VPS53: variants seen among roughly 807,000 people sequenced by gnomAD.
The protein encoded by VPS53 is VPS53 subunit of GARP complex.
VPS53 carries 70 observed loss-of-function variants against 107.0 expected under a neutral mutation model. The observed-to-expected ratio is 0.65, with a 90% CI of 0.54 to 0.80. VPS53 has a LOEUF of 0.80. Among genes scored for constraint, VPS53 ranks in the 30% least tolerant of loss-of-function variants. VPS53 has a pLI of 0.00. For missense variants in VPS53, 917 were observed against 1,049.4 expected (o/e 0.87, Z 1.74); for synonymous variants, 409 against 393.3 (o/e 1.04, Z -0.47).
intron 4 of VPS53, among the ~76,000 whole-genome samples, chr17:679,260 C>A (rs879778480): frequency 6.6e-6 from 1 of 151,806 alleles, no homozygotes; most frequent in Non-Finnish European, 1.5e-5. Context: ...TCACACCTGT[C>A]ATCCCAGCAC....
intron 12 of VPS53, among the ~76,000 whole-genome samples, chr17:600,489 G>A (rs78359588): frequency 0.048 from 7,324 of 152,264 alleles, 263 homozygotes; most frequent in Middle Eastern, 0.15. Context: ...GAAACTGTTT[G>A]TTTTCTTCCA....
At chr17:552,367 T>C (rs1911910666) in intron 16 of VPS53, among the ~76,000 whole-genome samples, 1 of 152,090 alleles carries the variant, frequency 6.6e-6, no homozygotes, top group Admixed American at 6.5e-5. Flanking sequence ...AATAAGTGGT[T>C]GATGTGAAAG....
chr17:553,508 A>G, intron 15 of VPS53, 46 bp from the exon 16 acceptor site: 1 of 1,374,424 alleles, frequency 7.3e-7, no homozygotes, highest in Non-Finnish European at 1.0e-6. Context: ...TGATTATCCA[A>G]AGAAGTACCA....
At chr17:629,762 CAAAAA>C (rs769585612) in intron 8 of VPS53, among the ~76,000 whole-genome samples, 2 of 143,156 alleles carry the variant, frequency 1.4e-5, no homozygotes, top group Non-Finnish European at 3.0e-5. Context: ...GACTCCATCT[CAAAAA>C]AAAGAAAAGA....
At chr17:694,984 C>T (rs1234341496) in intron 4 of VPS53, among the ~76,000 whole-genome samples, 7 of 152,204 alleles carry the variant, frequency 4.6e-5, no homozygotes, top group Admixed American at 4.6e-4. Flanking sequence ...AGATTACAGG[C>T]ATGAGCCATT....
intron 12 of VPS53, 80 bp downstream of exon 12, chr17:601,715 G>T: frequency 9.0e-7 from 1 of 1,113,122 alleles, no homozygotes; most frequent in Non-Finnish European, 1.3e-6. Flanking sequence ...AGAGCCAAAG[G>T]ATCGTATCTG....
Position 631,572 on chromosome 17 carries a change from G to A in VPS53, c.665C>T (p.Ala222Val), listed in dbSNP as rs138639431. ...TACCTTGGTGCCCTGGGAAGGAAAC[G>A]CTTCTTCAAAATCTGCCAGGATTTG... ...GQQILADFEE[A>V]FPSQGTKRPG... The change falls in exon 8 of 22, where the codon GCG becomes GTG. Residue 222 changes from alanine to valine, a missense_variant. By Grantham distance (64) the Ala-to-Val change is moderately conservative. Transcript: ENST00000437048. 1.5e-5 allele frequency: 25 copies of A among 1,614,044 alleles called. No homozygotes were observed. The highest frequency in any genetic ancestry group is 4.0e-5 in the African/African-American group (3 of 75,000).
At chr17:603,056 A>G (rs1968398708) in intron 11 of VPS53, among the ~76,000 whole-genome samples, 1 of 152,328 alleles carries the variant, frequency 6.6e-6, no homozygotes, top group East Asian at 1.9e-4. Context: ...GGGACAGCAG[A>G]TGGACTATAG....
chr17:561,213 A>T (rs1413022141), intron 14 of VPS53, among the ~76,000 whole-genome samples: 1 of 152,224 alleles, frequency 6.6e-6, no homozygotes, highest in Non-Finnish European at 1.5e-5. Context: ...GTGTCTCAAG[A>T]GGCCAACACC....
intron 11 of VPS53, among the ~76,000 whole-genome samples, chr17:605,282 G>A (rs915419149): frequency 1.5e-4 from 23 of 152,198 alleles, no homozygotes; most frequent in African/African-American, 5.6e-4. Flanking sequence ...GGGATGAGCT[G>A]GGGATGAGGG....
intron 7 of VPS53, among the ~76,000 whole-genome samples, chr17:637,397 G>T (rs573198904): frequency 2.0e-5 from 3 of 152,118 alleles, no homozygotes; most frequent in East Asian, 1.9e-4. Flanking sequence ...TTTTTGAAGG[G>T]TTTTTTGTGT....
intron 4 of VPS53, among the ~76,000 whole-genome samples, chr17:677,625 T>C (rs2143758936): frequency 6.6e-6 from 1 of 152,174 alleles, no homozygotes; most frequent in South Asian, 2.1e-4. Context: ...ATTATATACA[T>C]ATTTTACAAG....
At chr17:710,321 G>A (rs1437479144) in intron 2 of VPS53, among the ~76,000 whole-genome samples, 2 of 152,038 alleles carry the variant, frequency 1.3e-5, no homozygotes, top group Non-Finnish European at 2.9e-5. Flanking sequence ...CAACCTAAGA[G>A]TACAATTATT....
intron 7 of VPS53, among the ~76,000 whole-genome samples, chr17:633,738 T>C (rs1319856894): frequency 1.3e-5 from 2 of 152,202 alleles, no homozygotes; most frequent in East Asian, 1.9e-4. Context: ...CACCTCCAGA[T>C]TGGAATCAGG....
intron 12 of VPS53, among the ~76,000 whole-genome samples, chr17:588,885 C>T (rs1446406996): frequency 6.6e-6 from 1 of 152,162 alleles, no homozygotes; most frequent in Non-Finnish European, 1.5e-5. Context: ...GGTGTCCTCA[C>T]CCACTTGTCC....
intron 15 of VPS53, 132 bp from the exon 16 acceptor site, chr17:553,594 G>C: frequency 1.9e-6 from 1 of 538,438 alleles, no homozygotes; most frequent in Admixed American, 3.7e-5. Context: ...TTTTTTTTTT[G>C]AGACTCGCTC....
intron 17 of VPS53, among the ~76,000 whole-genome samples, chr17:547,278 C>T (rs1035009363): frequency 4.6e-5 from 7 of 152,146 alleles, no homozygotes; most frequent in South Asian, 2.1e-4. Flanking sequence ...ATAACTCAAA[C>T]GTCCAATAGA....
At chr17:660,445 C>T (rs895396935) in intron 5 of VPS53, among the ~76,000 whole-genome samples, 16 of 152,170 alleles carry the variant, frequency 1.1e-4, no homozygotes, top group African/African-American at 3.6e-4. Context: ...TAAAATAAGA[C>T]ATCTCATAAC....
intron 4 of VPS53, among the ~76,000 whole-genome samples, chr17:672,969 G>C (rs533307954): frequency 1.3e-5 from 2 of 151,944 alleles, no homozygotes; most frequent in Non-Finnish European, 2.9e-5. Context: ...AAAATTAACC[G>C]GGCGTGGTGG....
Sources: gnomAD v4.1 joint callset for allele counts (sites outside exome capture counted in the v4.1 genomes callset) on GRCh38, gnomAD v4.1.1 for gene constraint, MANE v1.5 for transcripts, NCBI Gene and HGNC (gene_info 2026-07-23, HGNC 2026-07-21) for gene names.